ERICH6B: variants seen among roughly 807,000 people sequenced by gnomAD.
ERICH6B encodes glutamate rich 6B.
ERICH6B carries 69 observed loss-of-function variants against 80.0 expected under a neutral mutation model. The ratio of observed to expected loss-of-function variants is 0.86; its 90% CI spans 0.71 to 1.05. ERICH6B has a LOEUF of 1.05. ERICH6B is among the 50% of genes least tolerant of loss of function. ERICH6B has a pLI of 0.00. For missense variants in ERICH6B, 754 were observed against 796.1 expected, an observed-to-expected ratio of 0.95 and a Z score of 0.64; for synonymous variants, 283 against 291.9, an observed-to-expected ratio of 0.97 and a Z score of 0.31.
chr13:45,593,472 G>C (rs1451217055), intron 3 of ERICH6B, among the ~76,000 whole-genome samples: 2 of 152,096 alleles, frequency 1.3e-5, no homozygotes, highest in Non-Finnish European at 2.9e-5. Context: ...TATGTGTCTG[G>C]CATATTTCTT....
At chr13:45,548,850 A>C (rs1427552283) in intron 13 of ERICH6B, among the ~76,000 whole-genome samples, 2 of 152,256 alleles carry the variant, frequency 1.3e-5, no homozygotes, top group Non-Finnish European at 2.9e-5. Flanking sequence ...CAAAGAAGAC[A>C]ATCAGGAAAT....
chr13:45,598,932 G>T lies in ERICH6B; in HGVS notation c.-58-1869C>A, dbSNP rs577040647. On this transcript the variant is annotated intron_variant, in intron 2 of 14. Coordinates refer to ENST00000298738, the MANE Select transcript of ERICH6B (RefSeq NM_182542.3). ...ACTCCAGGCAGCGCACCTCTGAGAG[G>T]CTACATTCACCCCAGAGCTCTCTAG... Among the ~76,000 whole-genome samples the T allele has an allele frequency of 9.2e-4, 140 of 152,238 alleles. 1 individual carries two copies. Among genetic ancestry groups the T allele is most frequent in the African/African-American group, 3.3e-3 (137 of 41,538 alleles).
intron 11 of ERICH6B, 103 bp downstream of exon 11, chr13:45,561,266 T>A: frequency 1.7e-6 from 2 of 1,175,900 alleles, no homozygotes; most frequent in Non-Finnish European, 2.3e-6. Context: ...GTGTTTACAT[T>A]GTGTGTTGTT....
chr13:45,573,531 C>T (rs1335588861), intron 8 of ERICH6B, among the ~76,000 whole-genome samples: 1 of 152,114 alleles, frequency 6.6e-6, no homozygotes, highest in Non-Finnish European at 1.5e-5. Flanking sequence ...AAAAGCTAGA[C>T]AATTTAGGTA....
Position 45,596,844 on chromosome 13 carries a change from C to T in ERICH6B, c.162G>A (p.Glu54=). Residue 54 remains glutamate, a synonymous_variant, in exon 3 of 15, where the codon GAG becomes GAA. Coordinates refer to ENST00000298738, the MANE Select transcript of ERICH6B (RefSeq NM_182542.3). ...CCAGATACTCTTTGTCCTCCAGAGA[C>T]TCTCCCTCTGGAGAAAATGGAGATT... is the stretch of plus-strand genomic sequence containing the variant. ...QDESPFSPEG[E]SLEDKEYLEE... The T allele has an allele frequency of 6.4e-7, 1 of 1,551,834 alleles. No homozygotes were observed. The highest frequency in any genetic ancestry group is 8.7e-7 in the Non-Finnish European group (1 of 1,147,012).
intron 12 of ERICH6B, 64 bp downstream of exon 12, chr13:45,550,163 TAAAA>T (rs1593773456): frequency 1.3e-6 from 2 of 1,534,342 alleles, no homozygotes; most frequent in African/African-American, 2.8e-5. Context: ...CCTTACCCCA[TAAAA>T]AATCGTAGAC....
chr13:45,600,073 G>A (rs986994790), intron 2 of ERICH6B, among the ~76,000 whole-genome samples: 8 of 152,172 alleles, frequency 5.3e-5, no homozygotes, highest in South Asian at 4.1e-4. Context: ...GGTGAGCTAC[G>A]GAAAGCTTTG....
chr13:45,591,703 T>C (rs1311582929), intron 3 of ERICH6B, among the ~76,000 whole-genome samples: 3 of 152,224 alleles, frequency 2.0e-5, no homozygotes, highest in East Asian at 3.9e-4. Context: ...CTAACTTGTA[T>C]AGACAGCATG....
At position 45,545,358 on chromosome 13, in the gene ERICH6B, C is replaced by T. The variant is rs187435404; in HGVS notation, c.1647-373G>A. Among the ~76,000 whole-genome samples the T allele has an allele frequency of 1.6e-3, 248 of 152,318 alleles. 2 individuals carry two copies. The highest frequency in any genetic ancestry group is 1.0e-3 in the Admixed American group (16 of 15,304). On this transcript the variant is annotated intron_variant, in intron 13 of 14. Transcript: ENST00000298738. ...TCACCTCCTCAGCCTGAGCAGCCTA[C>T]CTGGTTCCCTACGGGACTCTGTTGC...
chr13:45,574,685 G>T (rs1166191207), intron 8 of ERICH6B, among the ~76,000 whole-genome samples, 157 bp downstream of exon 8: 1 of 152,136 alleles, frequency 6.6e-6, no homozygotes, highest in Non-Finnish European at 1.5e-5. Context: ...TTTCTGGGTT[G>T]CTGTCTTCTC....
At chr13:45,546,430 A>G (rs1421110038) in intron 13 of ERICH6B, among the ~76,000 whole-genome samples, 1 of 152,208 alleles carries the variant, frequency 6.6e-6, no homozygotes, top group African/African-American at 2.4e-5. Context: ...TGAGCTGTCC[A>G]GGGTGTGGCG....
intron 5 of ERICH6B, among the ~76,000 whole-genome samples, chr13:45,582,915 C>T (rs74073914): frequency 0.066 from 10,093 of 152,246 alleles, 800 homozygotes; most frequent in African/African-American, 0.19. Flanking sequence ...TGATCTTAGG[C>T]TGGTTTCTTG....
Position 45,544,760 on chromosome 13 carries a change from C to T in ERICH6B, c.1872G>A (p.Lys624=), listed in dbSNP as rs1325291998. The T allele has an allele frequency of 4.5e-6, 7 of 1,551,384 alleles. No individual in the cohort carries two copies. The highest frequency in any genetic ancestry group is 1.2e-5 in the South Asian group (1 of 84,058). ...AGGGTATGGGGAGTTGTGACCTTAC[C>T]TTGTACCTGGTGCCCAGGTTTAAAC... ...QICLNLGTRY[K]FVIPEVLSEM... The change falls in exon 14 of 15, where the codon AAG becomes AAA. Residue 624 remains lysine (K), a splice_region_variant and synonymous_variant. Coordinates refer to ENST00000298738, the MANE Select transcript of ERICH6B (RefSeq NM_182542.3).
intron 11 of ERICH6B, among the ~76,000 whole-genome samples, chr13:45,558,827 GGTTA>G (rs976356017): frequency 6.6e-6 from 1 of 152,064 alleles, no homozygotes; most frequent in African/African-American, 2.4e-5. Context: ...TATTGGATTC[GGTTA>G]GTTAGTATTT....
chr13:45,577,346 C>G (rs1000516536), intron 7 of ERICH6B, among the ~76,000 whole-genome samples: 1 of 136,598 alleles, frequency 7.3e-6, no homozygotes, highest in African/African-American at 2.7e-5. Context: ...TGCAGTGGCG[C>G]GATCTCAGCT....
At chr13:45,612,058 G>A (rs1949902816) in intron 1 of ERICH6B, among the ~76,000 whole-genome samples, 1 of 152,170 alleles carries the variant, frequency 6.6e-6, no homozygotes, top group African/African-American at 2.4e-5. Context: ...CCAGATACAG[G>A]TATTTACATG....
chr13:45,572,325 CTT>C (rs1043384907), intron 8 of ERICH6B, among the ~76,000 whole-genome samples: 10 of 152,172 alleles, frequency 6.6e-5, no homozygotes, highest in Non-Finnish European at 1.3e-4. Flanking sequence ...TATTACTAAT[CTT>C]CCTGCCCTCA....
intron 2 of ERICH6B, among the ~76,000 whole-genome samples, chr13:45,606,351 G>A (rs1000422297): frequency 2.0e-5 from 3 of 151,036 alleles, no homozygotes; most frequent in African/African-American, 7.3e-5. Flanking sequence ...TATTTTTGGG[G>A]TGTGTGAAAA....
intron 11 of ERICH6B, among the ~76,000 whole-genome samples, chr13:45,552,202 C>A (rs925492522): frequency 6.6e-6 from 1 of 152,062 alleles, no homozygotes. Context: ...ATATAATATC[C>A]CTTCTTTGGT....
Sources: allele counts gnomAD v4.1 joint callset (sites outside exome capture counted in the v4.1 genomes callset), GRCh38; gene constraint gnomAD v4.1.1; transcripts MANE v1.5; gene names NCBI Gene and HGNC (gene_info 2026-07-23, HGNC 2026-07-21).